Variants in ABCA13 observed in about 807,000 individuals in gnomAD.
ABCA13 encodes the protein ATP binding cassette subfamily A member 13, also known as ATP-binding cassette sub-family A member 13.
ABCA13 carries 476 observed loss-of-function variants against 478.7 expected under a neutral mutation model. That is an observed-to-expected ratio of 0.99 (90% CI 0.92 to 1.07). ABCA13 has a LOEUF of 1.07. Ranked by LOEUF, ABCA13 falls within the 50% of genes least tolerant of loss-of-function variation. The pLI is 0.00. For missense variants in ABCA13, 6,060 were observed against 5,910.6 expected, an observed-to-expected ratio of 1.03 and a Z score of -0.83; for synonymous variants, 2,252 against 2,158.9, an observed-to-expected ratio of 1.04 and a Z score of -1.20.
chr7:48,572,103 C>T (rs542917230), intron 55 of ABCA13, among the ~76,000 whole-genome samples: 1 of 152,152 alleles, frequency 6.6e-6, no homozygotes. Context: ...TCATTTGAAT[C>T]CTGGAGGCAG....
intron 47 of ABCA13, among the ~76,000 whole-genome samples, chr7:48,485,699 G>A (rs1289912529): frequency 6.6e-6 from 1 of 152,152 alleles, no homozygotes; most frequent in African/African-American, 2.4e-5. Flanking sequence ...ACTGCAAACC[G>A]TTAGTAGCAT....
intron 20 of ABCA13, among the ~76,000 whole-genome samples, chr7:48,290,740 G>C (rs1584664394): frequency 6.6e-6 from 1 of 152,212 alleles, no homozygotes; most frequent in Non-Finnish European, 1.5e-5. Flanking sequence ...GAGCCCTCAT[G>C]CAGTAGGTTT....
intron 58 of ABCA13, among the ~76,000 whole-genome samples, chr7:48,602,190 G>A (rs1304606433): frequency 6.6e-6 from 1 of 152,092 alleles, no homozygotes; most frequent in African/African-American, 2.4e-5. Context: ...TCACTCTGAT[G>A]GTAGTTTCGT....
intron 45 of ABCA13, among the ~76,000 whole-genome samples, chr7:48,476,097 A>G (rs76779063): frequency 0.017 from 2,562 of 152,292 alleles, 73 homozygotes; most frequent in African/African-American, 0.058. Flanking sequence ...ATTCTCACAC[A>G]GTTCTGGAGG....
intron 38 of ABCA13, among the ~76,000 whole-genome samples, chr7:48,400,326 C>T (rs1817429079): frequency 6.6e-6 from 1 of 152,182 alleles, no homozygotes; most frequent in Non-Finnish European, 1.5e-5. Context: ...AGTAAACATT[C>T]CTTGAATAAA....
intron 9 of ABCA13, among the ~76,000 whole-genome samples, chr7:48,239,733 G>C (rs1330736896): frequency 1.3e-5 from 2 of 152,216 alleles, no homozygotes; most frequent in African/African-American, 4.8e-5. Context: ...CAGCTCTTTG[G>C]ACATTTGCAT....
intron 41 of ABCA13, among the ~76,000 whole-genome samples, chr7:48,421,258 C>G (rs1820707140): frequency 6.6e-6 from 1 of 151,938 alleles, no homozygotes; most frequent in African/African-American, 2.4e-5. Context: ...TCTTACCCAC[C>G]TGTTTTTGCA....
chr7:48,335,433 C>A lies in ABCA13; in HGVS notation c.10011C>A (p.Thr3337=), dbSNP rs1479539079. 17 of 1,608,176 alleles carry A rather than the reference C, an allele frequency of 1.1e-5. No individual in the cohort carries two copies. The highest frequency in any genetic ancestry group is 1.4e-5 in the Non-Finnish European group (17 of 1,176,606). The change falls in exon 28 of 62, where the codon ACC becomes ACA. Residue 3337 remains threonine (T), a synonymous_variant. Coordinates refer to ENST00000435803, the MANE Select transcript of ABCA13 (RefSeq NM_152701.5). ...INKVIQKANY[T]FYIVDKLKTL... ...GCTTCATTTTGCAGGCTAATTACAC[C>A]TTTTATATTGTGGACAAACTAAAAA...
chr7:48,633,825 A>G (rs534580227), intron 59 of ABCA13, among the ~76,000 whole-genome samples: 1 of 152,154 alleles, frequency 6.6e-6, no homozygotes, highest in Non-Finnish European at 1.5e-5. Context: ...GGAGACAGAA[A>G]TTGCAGTGAG....
Position 48,430,038 on chromosome 7 carries a change from T to G in ABCA13, c.12565+2167T>G, listed in dbSNP as rs543322118. On this transcript the variant is annotated intron_variant, in intron 42 of 61. Coordinates refer to ENST00000435803, the MANE Select transcript of ABCA13 (RefSeq NM_152701.5). ...CTTTGGCGCTGTTATCATGGTTATC[T>G]TCACCTCATAGAATGAGTTGAGAGG... 2.4e-4 allele frequency among the ~76,000 whole-genome samples: 37 copies of G among 152,298 alleles called. 2 individuals are homozygous for G. The South Asian group carries it at 5.0e-3, about 20-fold the overall frequency.
chr7:48,361,559 G>A (rs927147361), intron 31 of ABCA13, among the ~76,000 whole-genome samples: 2 of 150,290 alleles, frequency 1.3e-5, no homozygotes, highest in African/African-American at 2.5e-5. Flanking sequence ...TTACTTTTCT[G>A]TATCTTCAAT....
intron 15 of ABCA13, among the ~76,000 whole-genome samples, chr7:48,262,609 A>T (rs982696541): frequency 3.3e-5 from 5 of 151,554 alleles, no homozygotes; most frequent in Admixed American, 2.6e-4. Context: ...GTGGTTGTAT[A>T]TTTTTATATT....
intron 55 of ABCA13, among the ~76,000 whole-genome samples, chr7:48,575,955 A>G (rs559659634): frequency 3.3e-4 from 50 of 152,330 alleles, no homozygotes; most frequent in African/African-American, 1.2e-3. Context: ...TCAGAAAAAA[A>G]GGGATGATTC....
Position 48,633,951 on chromosome 7 carries a change from G to C in ABCA13, c.14838-9337G>C, listed in dbSNP as rs577200465. On this transcript the variant is annotated intron_variant, in intron 59 of 61. Transcript: ENST00000435803. ...AGATACATAGATAGATAGATAGATA[G>C]ATAGATAGATAGATAGATAGATAGA... 3.8e-3 allele frequency among the ~76,000 whole-genome samples: 583 copies of C among 151,798 alleles called. 3 individuals are homozygous for C. Among genetic ancestry groups the C allele is most frequent in the African/African-American group, 0.01 (418 of 41,350 alleles).
At chr7:48,393,062 C>T (rs2129057507) in intron 38 of ABCA13, among the ~76,000 whole-genome samples, 1 of 152,240 alleles carries the variant, frequency 6.6e-6, no homozygotes, top group East Asian at 1.9e-4. Flanking sequence ...GCAGTGTGCC[C>T]TGGCTCATTG....
In ABCA13 at chr7:48,400,810, A is replaced by G. The variant is rs530146226; in HGVS notation, c.11874-2873A>G. ...GAGTCCTAGGAATGTGTCATTCTGT[A>G]CAAAATAAGTCAAGGACTTTTACTT... On this transcript the variant is annotated intron_variant, in intron 38 of 61. Coordinates refer to ENST00000435803, the MANE Select transcript of ABCA13 (RefSeq NM_152701.5). 2.0e-5 allele frequency among the ~76,000 whole-genome samples: 3 copies of G among 152,352 alleles called. No individual in the cohort carries two copies. The East Asian group carries it at 5.8e-4, about 29-fold the overall frequency.
At chr7:48,354,818 A>G (rs1809629942) in intron 31 of ABCA13, among the ~76,000 whole-genome samples, 2 of 152,058 alleles carry the variant, frequency 1.3e-5, no homozygotes, top group African/African-American at 4.8e-5. Flanking sequence ...TGATTGAAAC[A>G]CAGTCTGAGA....
chr7:48,518,347 G>A (rs1255440106), intron 52 of ABCA13, among the ~76,000 whole-genome samples: 2 of 152,164 alleles, frequency 1.3e-5, no homozygotes, highest in Non-Finnish European at 1.5e-5. Flanking sequence ...AAAGCAGAGA[G>A]CTTCCCTGGG....
At chr7:48,329,277 CAG>C (rs776316131) in intron 27 of ABCA13, among the ~76,000 whole-genome samples, 53 of 152,280 alleles carry the variant, frequency 3.5e-4, no homozygotes, top group Middle Eastern at 3.4e-3. Context: ...TTCTAGGGGA[CAG>C]AGTAGAACCC....
Sources: allele counts gnomAD v4.1 joint callset (sites outside exome capture counted in the v4.1 genomes callset), GRCh38; gene constraint gnomAD v4.1.1; transcripts MANE v1.5; gene names NCBI Gene and HGNC (gene_info 2026-07-23, HGNC 2026-07-21).